Variants in JARID2 observed in about 807,000 individuals in gnomAD.
JARID2 encodes the protein protein Jumonji.
Under a neutral mutation model 125.6 loss-of-function variants are expected in JARID2, and 21 were observed. That is an observed-to-expected ratio of 0.17 (90% CI 0.12 to 0.24). The LOEUF (loss-of-function observed/expected upper bound fraction) is 0.24. Among genes scored for constraint, JARID2 ranks in the 10% least tolerant of loss-of-function variants. The pLI, the probability that JARID2 is intolerant of heterozygous loss-of-function variation, is 1.00. For missense variants in JARID2, 1,303 were observed against 1,639.6 expected (o/e 0.79, Z 3.55); for synonymous variants, 736 against 661.6 (o/e 1.11, Z -1.73).
chr6:15,343,018 T>A (rs1474462671), intron 1 of JARID2, among the ~76,000 whole-genome samples: 1 of 151,984 alleles, frequency 6.6e-6, no homozygotes, highest in Non-Finnish European at 1.5e-5. Context: ...TTACCTGAGG[T>A]CAGGAGTTTG....
chr6:15,364,101 C>T (rs1052186728), intron 1 of JARID2, among the ~76,000 whole-genome samples: 9 of 152,108 alleles, frequency 5.9e-5, no homozygotes, highest in South Asian at 4.1e-4. Flanking sequence ...TGTTTATTTC[C>T]TTGCTGGGGT....
intron 4 of JARID2, among the ~76,000 whole-genome samples, chr6:15,453,541 G>T (rs916203038): frequency 3.2e-4 from 48 of 152,214 alleles, no homozygotes; most frequent in Non-Finnish European, 6.3e-4. Flanking sequence ...CCTGTTAGGA[G>T]TAAAGTTGCC....
chr6:15,268,995 C>T (rs897217992), intron 1 of JARID2, among the ~76,000 whole-genome samples: 16 of 152,120 alleles, frequency 1.1e-4, no homozygotes, highest in African/African-American at 3.9e-4. Context: ...AATGCCAGTG[C>T]CTGTTTCTCG....
At chr6:15,385,404 G>C (rs536613056) in intron 2 of JARID2, among the ~76,000 whole-genome samples, 2 of 152,134 alleles carry the variant, frequency 1.3e-5, no homozygotes, top group South Asian at 4.2e-4. Context: ...TGTCTGCACA[G>C]CATTTCTCAC....
intron 1 of JARID2, among the ~76,000 whole-genome samples, chr6:15,346,654 TTTTG>T (rs1235783449): frequency 6.6e-6 from 1 of 152,186 alleles, no homozygotes; most frequent in Non-Finnish European, 1.5e-5. Flanking sequence ...CCTTGCTTGA[TTTTG>T]TTTGTTCTGC....
intron 11 of JARID2, among the ~76,000 whole-genome samples, chr6:15,508,049 G>A (rs1030903994): frequency 3.9e-5 from 6 of 152,246 alleles, no homozygotes; most frequent in African/African-American, 7.2e-5. Flanking sequence ...TGGGGGCTTC[G>A]GCCCGTGGGC....
chr6:15,472,591 C>T (rs923738393), intron 5 of JARID2, among the ~76,000 whole-genome samples: 1 of 152,150 alleles, frequency 6.6e-6, no homozygotes, highest in Admixed American at 6.5e-5. Flanking sequence ...AGCAGAGTCC[C>T]AGAACTACCA....
Position 15,270,291 on chromosome 6 carries a change from C to G in JARID2, c.45+23707C>G, listed in dbSNP as rs138904770. Among the ~76,000 whole-genome samples, 4 of 152,262 alleles carry G rather than the reference C, an allele frequency of 2.6e-5. No homozygotes were observed. In the East Asian group the frequency reaches 5.8e-4, roughly 22 times the overall value. ...GGGATTACAGGCATTTGCCACCACA[C>G]CTGGCTAATTTGGTATTTTTAGTAG... On this transcript the variant is annotated intron_variant, in intron 1 of 17. Transcript: ENST00000341776.
chr6:15,402,476 T>C (rs558585328), intron 2 of JARID2, among the ~76,000 whole-genome samples: 1 of 152,312 alleles, frequency 6.6e-6, no homozygotes, highest in Admixed American at 6.5e-5. Context: ...TTCTGTGAGA[T>C]GAGAAATCAA....
chr6:15,395,156 C>T (rs1028179358), intron 2 of JARID2, among the ~76,000 whole-genome samples: 3 of 152,040 alleles, frequency 2.0e-5, no homozygotes, highest in African/African-American at 7.2e-5. Flanking sequence ...CCTCCATTTC[C>T]AGGTTGCTCT....
intron 1 of JARID2, among the ~76,000 whole-genome samples, chr6:15,263,567 T>C (rs958418577): frequency 6.6e-6 from 1 of 151,942 alleles, no homozygotes; most frequent in Non-Finnish European, 1.5e-5. Context: ...ATTGTTGAGA[T>C]TGGTCCTTAA....
At chr6:15,285,892 T>A (rs1760980081) in intron 1 of JARID2, among the ~76,000 whole-genome samples, 1 of 149,550 alleles carries the variant, frequency 6.7e-6, no homozygotes, top group Non-Finnish European at 1.5e-5. Context: ...CACACTTGTA[T>A]TTTAAAGCCC....
At chr6:15,518,713 C>G (rs1232289273) in intron 17 of JARID2, among the ~76,000 whole-genome samples, 1 of 152,200 alleles carries the variant, frequency 6.6e-6, no homozygotes, top group East Asian at 1.9e-4. Context: ...AACTCCTGAC[C>G]TCAGGTGATC....
At chr6:15,292,564 C>G (rs1452502012) in intron 1 of JARID2, among the ~76,000 whole-genome samples, 1 of 152,104 alleles carries the variant, frequency 6.6e-6, no homozygotes, top group Non-Finnish European at 1.5e-5. Context: ...ACTCCTGAGT[C>G]CCGGTGAGGC....
intron 1 of JARID2, among the ~76,000 whole-genome samples, chr6:15,340,153 G>C (rs1036673788): frequency 1.3e-5 from 2 of 152,012 alleles, no homozygotes; most frequent in African/African-American, 2.4e-5. Flanking sequence ...CACTGCACCC[G>C]GCCTCAGATG....
chr6:15,308,087 A>G (rs1761897592), intron 1 of JARID2, among the ~76,000 whole-genome samples: 1 of 152,212 alleles, frequency 6.6e-6, no homozygotes, highest in South Asian at 2.1e-4. Flanking sequence ...GTTTTCTGAA[A>G]GGGTGCAGGG....
At chr6:15,323,990 G>A (rs1418069269) in intron 1 of JARID2, among the ~76,000 whole-genome samples, 3 of 150,806 alleles carry the variant, frequency 2.0e-5, no homozygotes, top group South Asian at 2.1e-4. Flanking sequence ...AGACCATCCT[G>A]GCTAACATGG....
intron 1 of JARID2, among the ~76,000 whole-genome samples, chr6:15,338,764 C>T (rs1373575204): frequency 3.3e-5 from 5 of 152,230 alleles, no homozygotes; most frequent in African/African-American, 1.2e-4. Context: ...CCCAGTCTCA[C>T]TCTTTCCCTT....
intron 1 of JARID2, among the ~76,000 whole-genome samples, chr6:15,253,239 A>G (rs986329224): frequency 5.3e-5 from 8 of 151,794 alleles, no homozygotes; most frequent in Non-Finnish European, 1.2e-4. Context: ...TCATTTTTGT[A>G]TTTTTAGTAA....
Sources: allele counts gnomAD v4.1 joint callset (sites outside exome capture counted in the v4.1 genomes callset), GRCh38; gene constraint gnomAD v4.1.1; transcripts MANE v1.5; gene names NCBI Gene and HGNC (gene_info 2026-07-23, HGNC 2026-07-21).